PGM1: variants seen among roughly 807,000 people sequenced by gnomAD.
The protein encoded by PGM1 is phosphoglucomutase-1.
Under a neutral mutation model 55.6 loss-of-function variants are expected in PGM1, and 52 were observed. The observed-to-expected ratio is 0.94, with a 90% CI of 0.75 to 1.18. The LOEUF is 1.18. Among genes scored for constraint, PGM1 ranks in the 50% most tolerant of loss-of-function variants. PGM1 has a pLI of 0.00. For synonymous variants in PGM1, 287 were observed against 271.7 expected (o/e 1.06, Z -0.55); for missense variants, 724 against 729.3 (o/e 0.99, Z 0.08).
At chr1:63,640,361 A>C (rs142114160) in intron 7 of PGM1, among the ~76,000 whole-genome samples, 121 of 152,352 alleles carry the variant, frequency 7.9e-4, no homozygotes, top group African/African-American at 2.7e-3. Context: ...TCTAGGGGTC[A>C]AGAAAAATTG....
intron 1 of PGM1, among the ~76,000 whole-genome samples, chr1:63,605,693 G>T (rs1465632441): frequency 6.6e-6 from 1 of 151,958 alleles, no homozygotes; most frequent in East Asian, 1.9e-4. Flanking sequence ...CCTCCCACCT[G>T]AGCCTCAGCC....
At chr1:63,636,793 A>G (rs1029424008) in intron 6 of PGM1, among the ~76,000 whole-genome samples, 5 of 152,348 alleles carry the variant, frequency 3.3e-5, no homozygotes, top group Middle Eastern at 3.4e-3. Context: ...TGAATAGTTG[A>G]GTGTTAATGA....
chr1:63,603,082 C>T (rs1231995556), intron 1 of PGM1, among the ~76,000 whole-genome samples: 1 of 152,232 alleles, frequency 6.6e-6, no homozygotes, highest in Non-Finnish European at 1.5e-5. Flanking sequence ...AAGCTCCCCT[C>T]ACTGCCCCCC....
At chr1:63,639,523 A>G (rs1468765443) in intron 7 of PGM1, among the ~76,000 whole-genome samples, 1 of 151,904 alleles carries the variant, frequency 6.6e-6, no homozygotes, top group Non-Finnish European at 1.5e-5. Flanking sequence ...TGCCTGTATC[A>G]GTCTCTCTTT....
intron 1 of PGM1, chr1:63,623,424 T>C: frequency 6.3e-7 from 1 of 1,596,978 alleles, no homozygotes; most frequent in Non-Finnish European, 8.5e-7. Context: ...GACTGCTTTC[T>C]GGACACCCTC....
chr1:63,593,874 C>T, intron 1 of PGM1, 140 bp downstream of exon 1: 1 of 1,287,010 alleles, frequency 7.8e-7, no homozygotes. Context: ...CCCTCTCCTT[C>T]GCGCTCGCTC....
intron 7 of PGM1, among the ~76,000 whole-genome samples, chr1:63,640,493 C>G (rs986036984): frequency 1.1e-4 from 17 of 152,142 alleles, no homozygotes; most frequent in Non-Finnish European, 2.2e-4. Flanking sequence ...TAGTTTACCA[C>G]TATATATAAT....
chr1:63,624,470 A>G (rs1262470314), intron 1 of PGM1, among the ~76,000 whole-genome samples: 1 of 152,198 alleles, frequency 6.6e-6, no homozygotes, highest in Non-Finnish European at 1.5e-5. Context: ...GAGAAGGAAT[A>G]TTGTACCAGA....
chr1:63,653,349 G>A (rs560335390), intron 9 of PGM1, among the ~76,000 whole-genome samples: 9 of 152,326 alleles, frequency 5.9e-5, no homozygotes, highest in African/African-American at 2.2e-4. Flanking sequence ...GCAAGAAATG[G>A]TCAGTGAAAA....
At position 63,634,887 on chromosome 1, in the gene PGM1, G is replaced by C. The variant is rs142222746; in HGVS notation, c.741G>C (p.Ser247=). Residue 247 remains serine (S), a synonymous_variant, in exon 5 of 11, where the codon TCG becomes TCC. Transcript: ENST00000371084. ...LCEELGAPAN[S]AVNCVPLEDF... ...AAGAACTCGGTGCCCCTGCGAACTC[G>C]GCAGTTAACTGCGTTCCTCTGGAGG... 5.1e-6 allele frequency: 8 copies of C among 1,579,756 alleles called. No individual in the cohort carries two copies. The East Asian group carries it at 1.4e-4, about 27-fold the overall frequency.
chr1:63,632,459 T>C (rs544111962), intron 4 of PGM1, among the ~76,000 whole-genome samples: 1 of 152,290 alleles, frequency 6.6e-6, no homozygotes, highest in East Asian at 1.9e-4. Flanking sequence ...CCTGTGACAC[T>C]GCAAACCACA....
intron 1 of PGM1, among the ~76,000 whole-genome samples, chr1:63,626,065 G>A (rs1470604045): frequency 2.6e-5 from 4 of 152,168 alleles, no homozygotes; most frequent in Non-Finnish European, 2.9e-5. Context: ...GGAGAACAAT[G>A]AGATACCCAT....
chr1:63,600,734 G>A (rs72681103), intron 1 of PGM1, among the ~76,000 whole-genome samples: 2,297 of 152,170 alleles, frequency 0.015, 33 homozygotes, highest in Middle Eastern at 0.037. Context: ...TCCAGACAGA[G>A]GAAGAGTTAG....
At position 63,659,907 on chromosome 1, in the gene PGM1, C is replaced by G; in HGVS notation, c.*232C>G. 1.6e-6 allele frequency: 1 copy of G among 609,608 alleles called. No homozygotes were observed. Among genetic ancestry groups the G allele is most frequent in the Non-Finnish European group, 3.0e-6 (1 of 336,864 alleles). The allele number at this position is 609,608 out of a possible 1,614,324, so 37.8% of individuals were successfully genotyped here. On this transcript the variant is annotated 3_prime_UTR_variant, in exon 11 of 11. Transcript: ENST00000371084. ...ATCAATCTCAATTCCTTTTCATGCC[C>G]TCCTGCATTGCTGCTGCGTGGGTAT...
chr1:63,648,689 G>A lies in PGM1; in HGVS notation c.1280+37G>A, dbSNP rs751663803. 6.2e-6 allele frequency: 10 copies of A among 1,611,026 alleles called. No homozygotes were observed. The South Asian group carries it at 8.8e-5, about 14-fold the overall frequency. On this transcript the variant is annotated intron_variant, in intron 8 of 10. Coordinates refer to ENST00000371084, the MANE Select transcript of PGM1 (RefSeq NM_002633.3). ...CCCAGCTGGGGTACAAGGTAAGGTG[G>A]GGAAGTGGGCAGAGAGAATTCTTGC...
chr1:63,653,562 CAT>C (rs1177230428), intron 9 of PGM1, among the ~76,000 whole-genome samples: 4 of 152,194 alleles, frequency 2.6e-5, no homozygotes, highest in African/African-American at 9.7e-5. Flanking sequence ...TGGATAGACT[CAT>C]AAAGACTGAA....
intron 4 of PGM1, among the ~76,000 whole-genome samples, chr1:63,632,984 C>G (rs1649237499): frequency 6.6e-6 from 1 of 152,196 alleles, no homozygotes; most frequent in South Asian, 2.1e-4. Context: ...GATCACACCA[C>G]TGCCCCCCAG....
intron 1 of PGM1, among the ~76,000 whole-genome samples, chr1:63,594,982 A>G (rs1177076304): frequency 1.3e-5 from 2 of 151,360 alleles, no homozygotes; most frequent in African/African-American, 4.9e-5. Context: ...AAAAGAAAAA[A>G]AAAGTGGATT....
rs58094821 is a variant in PGM1, at chr1:63,633,866, C to CTGTGTGTGTG, written c.683-919_683-910dup. Among the ~76,000 whole-genome samples, 58 of 73,398 alleles carry CTGTGTGTGTG rather than the reference C, an allele frequency of 7.9e-4. 2 individuals are homozygous for CTGTGTGTGTG. The highest frequency in any genetic ancestry group is 1.6e-3 in the South Asian group (3 of 1,846). 48.2% of individuals were successfully genotyped at this position (73,398 alleles called of 152,430 possible). A position where few individuals can be genotyped will look rare whatever the true frequency, so the allele number is the denominator to read the frequency against. ...TGTATGCATGTGTGTGTCTGTGTCT[C>CTGTGTGTGTG]TGTGTGTGTGTGTGTGTGTGTGTGT... On this transcript the variant is annotated intron_variant, in intron 4 of 10. Coordinates refer to ENST00000371084, the MANE Select transcript of PGM1 (RefSeq NM_002633.3).
Sources: gnomAD v4.1 joint callset for allele counts (sites outside exome capture counted in the v4.1 genomes callset) on GRCh38, gnomAD v4.1.1 for gene constraint, MANE v1.5 for transcripts, NCBI Gene and HGNC (gene_info 2026-07-23, HGNC 2026-07-21) for gene names.